The following STARD10 variants were observed in gnomAD, a reference collection of about 807,000 sequenced individuals.
The protein encoded by STARD10 is StAR related lipid transfer domain containing 10.
In STARD10, 24 loss-of-function variants were observed where a neutral mutation model predicts 36.0. The ratio of observed to expected loss-of-function variants is 0.67; its 90% CI spans 0.48 to 0.94. STARD10 has a LOEUF of 0.94. STARD10 is among the 40% of genes least tolerant of loss of function. The probability of loss-of-function intolerance (pLI) is 0.00; values close to 1 mark genes in which losing one functional copy is unlikely to be tolerated. For synonymous variants in STARD10, 156 were observed against 161.9 expected, an observed-to-expected ratio of 0.96 and a Z score of 0.28; for missense variants, 335 against 396.6, an observed-to-expected ratio of 0.84 and a Z score of 1.32.
chr11:72,781,032 A>G lies in STARD10; in HGVS notation c.150T>C (p.Ala50=), dbSNP rs886083958. 15 of 1,614,060 alleles carry G rather than the reference A, an allele frequency of 9.3e-6. No homozygotes were observed. The highest frequency in any genetic ancestry group is 1.3e-5 in the Non-Finnish European group (15 of 1,180,038). ...EVGWNLTYSR[A]GVSVWVQAVE... ...CAGCCTGCACCCAGACAGACACCCCAGCCCTGCTATAGGTCAGGTTCCAGC... is the reference window on the plus strand; with the variant it reads ...CAGCCTGCACCCAGACAGACACCCCGGCCCTGCTATAGGTCAGGTTCCAGC... Residue 50 remains alanine (A), a synonymous_variant, in exon 2 of 7, where the codon GCT becomes GCC. Coordinates refer to ENST00000334805, the MANE Select transcript of STARD10 (RefSeq NM_006645.3). The surrounding 1 kb of genome is among the most constrained non-coding windows in gnomAD (Gnocchi z 4.7).
Position 72,793,005 on chromosome 11 carries a change from G to C in STARD10, c.-244C>G, listed in dbSNP as rs1859167175. ...GGTCTTCCTCCATCAGGCCAAGGTG[G>C]GGGTAGGAGAAGAATTGGGAACAGG... On this transcript the variant is annotated 5_prime_UTR_variant, in exon 1 of 7. Coordinates refer to ENST00000334805, the MANE Select transcript of STARD10 (RefSeq NM_006645.3). 1 of 152,606 alleles carries C rather than the reference G, an allele frequency of 6.6e-6. No individual in the cohort carries two copies. The highest frequency in any genetic ancestry group is 2.4e-5 in the African/African-American group (1 of 41,460). The allele number at this position is 152,606 out of a possible 1,614,324, so 9.5% of individuals were successfully genotyped here. A position where few individuals can be genotyped will look rare whatever the true frequency, so the allele number is the denominator to read the frequency against.
intron 1 of STARD10, 117 bp downstream of exon 1, chr11:72,792,758 C>T (rs1405668867): frequency 6.6e-6 from 1 of 152,574 alleles, no homozygotes; most frequent in Non-Finnish European, 1.5e-5. Flanking sequence ...CCAATTCCTC[C>T]CAAGCTCAGA....
chr11:72,754,815 T>TG lies in STARD10; in HGVS notation c.*81dup. The TG allele has an allele frequency of 6.5e-7, 1 of 1,531,130 alleles. No homozygotes were observed. The highest frequency in any genetic ancestry group is 8.7e-7 in the Non-Finnish European group (1 of 1,144,160). 94.8% of individuals were successfully genotyped at this position (1,531,130 alleles called of 1,614,324 possible). On this transcript the variant is annotated 3_prime_UTR_variant, in exon 7 of 7. Coordinates refer to ENST00000334805, the MANE Select transcript of STARD10 (RefSeq NM_006645.3). Reference sequence around the variant, plus strand: ...TGGCCCGGTGCCACCAGGTGCCGGGTGGGGGAGGGGAGAAAGTGCAGGAGC... The same window carrying TG: ...TGGCCCGGTGCCACCAGGTGCCGGGTGGGGGGAGGGGAGAAAGTGCAGGAGC...
Position 72,758,575 on chromosome 11 carries a change from G to A in STARD10, c.414C>T (p.Pro138=), listed in dbSNP as rs1858677831. 2.5e-6 allele frequency: 4 copies of A among 1,614,104 alleles called. No homozygotes were observed. The East Asian group carries it at 8.9e-5, about 36-fold the overall frequency. The change falls in exon 4 of 7, where the codon CCC becomes CCT. Residue 138 remains proline, a synonymous_variant. Transcript: ENST00000334805. The part of the protein sequence containing the change: ...RDVITLRSWL[P]MGADYIIMNY... ...TCATAATGATGTAATCAGCGCCCAT[G>A]GGGAGCCAGGAGCGGAGGGTGATGA...
intron 1 of STARD10, among the ~76,000 whole-genome samples, chr11:72,784,469 C>T (rs976075759): frequency 6.6e-6 from 1 of 152,198 alleles, no homozygotes; most frequent in African/African-American, 2.4e-5. Context: ...GTTTCACCCC[C>T]AGATAAGTAA....
intron 1 of STARD10, among the ~76,000 whole-genome samples, chr11:72,791,663 C>A: frequency 6.6e-6 from 1 of 151,224 alleles, no homozygotes; most frequent in East Asian, 2.0e-4. Flanking sequence ...AGATCGCACC[C>A]TTGCACTCCA....
chr11:72,755,672 C>A lies in STARD10; in HGVS notation c.630+29G>T, dbSNP rs777005362. On this transcript the variant is annotated intron_variant, in intron 6 of 6. Coordinates refer to ENST00000334805, the MANE Select transcript of STARD10 (RefSeq NM_006645.3). ...ATAGTCCTCTTTCCAGTCTTCAACA[C>A]CCCTCCCCAAAATCCCAAGGCCACT... 1.1e-5 allele frequency: 18 copies of A among 1,612,564 alleles called. No individual in the cohort carries two copies. In the South Asian group the frequency reaches 1.6e-4, roughly 15 times the overall value.
chr11:72,761,258 C>T (rs529109584), intron 2 of STARD10, among the ~76,000 whole-genome samples: 20 of 152,278 alleles, frequency 1.3e-4, no homozygotes, highest in Non-Finnish European at 1.0e-4. Flanking sequence ...TTCTACTGGT[C>T]AACGTAAACA....
At chr11:72,788,715 A>G (rs944251968) in intron 1 of STARD10, among the ~76,000 whole-genome samples, 21 of 151,768 alleles carry the variant, frequency 1.4e-4, no homozygotes, top group African/African-American at 5.1e-4. Context: ...GGCATGCGCC[A>G]CCACGCCCGG....
chr11:72,767,246 C>T (rs568712927), intron 2 of STARD10, among the ~76,000 whole-genome samples: 10 of 152,284 alleles, frequency 6.6e-5, no homozygotes, highest in Non-Finnish European at 1.0e-4. Context: ...TTCAGCACCC[C>T]GCAAAGGAGA....
At chr11:72,789,572 A>G (rs1040059029) in intron 1 of STARD10, among the ~76,000 whole-genome samples, 4 of 152,220 alleles carry the variant, frequency 2.6e-5, no homozygotes, top group African/African-American at 9.6e-5. Context: ...ATGCTGGGAC[A>G]GCAGTGAGGC....
chr11:72,761,504 C>T (rs1445459322), intron 2 of STARD10, among the ~76,000 whole-genome samples: 1 of 152,142 alleles, frequency 6.6e-6, no homozygotes, highest in African/African-American at 2.4e-5. Flanking sequence ...TACCTGTCAT[C>T]CCAGCACTTT....
rs115838872 is a variant in STARD10, at chr11:72,774,279, A to G, written c.207+6696T>C. ...AGACATTGCTCACTGACCCCAGGAC[A>G]TAGGATTCCAGAGAAGCATCAGAGG... is the stretch of plus-strand genomic sequence containing the variant. On this transcript the variant is annotated intron_variant, in intron 2 of 6. Transcript: ENST00000334805. Among the ~76,000 whole-genome samples the G allele has an allele frequency of 8.2e-3, 1,247 of 152,322 alleles. 22 individuals carry two copies. Among genetic ancestry groups the G allele is most frequent in the African/African-American group, 0.029 (1,194 of 41,560 alleles).
chr11:72,754,863 C>A lies in STARD10; in HGVS notation c.*34G>T. 6.3e-7 allele frequency: 1 copy of A among 1,583,128 alleles called. No homozygotes were observed. The highest frequency in any genetic ancestry group is 1.1e-5 in the South Asian group (1 of 89,378). On this transcript the variant is annotated 3_prime_UTR_variant, in exon 7 of 7. Transcript: ENST00000334805. Reference sequence around the variant, plus strand: ...AGCGGCCGCCGCCCCAGGGCTCGCCCGGTCCTGTCTCCGTCCCTGAAGCGG... The same window carrying A: ...AGCGGCCGCCGCCCCAGGGCTCGCCAGGTCCTGTCTCCGTCCCTGAAGCGG...
chr11:72,759,498 G>T (rs1858689327), intron 2 of STARD10, 117 bp from the exon 3 acceptor site: 2 of 1,278,278 alleles, frequency 1.6e-6, no homozygotes, highest in Non-Finnish European at 2.2e-6. Context: ...AAGAACAGGG[G>T]CCTCTGAAAC....
At chr11:72,785,551 GCT>G (rs1220751490) in intron 1 of STARD10, among the ~76,000 whole-genome samples, 1 of 137,666 alleles carries the variant, frequency 7.3e-6, no homozygotes, top group Non-Finnish European at 1.6e-5. Flanking sequence ...ACAGGGCGAG[GCT>G]CTGTCTCAAA....
At chr11:72,782,647 T>C (rs1465349886) in intron 1 of STARD10, 1 of 152,282 alleles carries the variant, frequency 6.6e-6, no homozygotes, top group Non-Finnish European at 1.5e-5. Flanking sequence ...GGCTCTGGGC[T>C]CTCTTACCTC....
intron 2 of STARD10, among the ~76,000 whole-genome samples, chr11:72,777,245 C>T (rs1195713663): frequency 6.6e-6 from 1 of 152,290 alleles, no homozygotes; most frequent in African/African-American, 2.4e-5. Context: ...CGTGAGCATC[C>T]AGGCCAGGGC....
At chr11:72,758,815 G>C (rs1284904006) in intron 3 of STARD10, among the ~76,000 whole-genome samples, 182 bp from the exon 4 acceptor site, 1 of 152,230 alleles carries the variant, frequency 6.6e-6, no homozygotes, top group African/African-American at 2.4e-5. Context: ...GGCAAGACCT[G>C]TCCCTACTGT....
Sources: allele counts gnomAD v4.1 joint callset (sites outside exome capture counted in the v4.1 genomes callset), GRCh38; gene constraint gnomAD v4.1.1; non-coding constraint Gnocchi (gnomAD v3.1); transcripts MANE v1.5; gene names NCBI Gene and HGNC (gene_info 2026-07-23, HGNC 2026-07-21).